The following AMPD3 variants were observed in gnomAD, a reference collection of about 807,000 sequenced individuals.
AMPD3 encodes the protein AMP deaminase 3.
AMPD3 carries 57 observed loss-of-function variants against 82.3 expected under a neutral mutation model. That is an observed-to-expected ratio of 0.69 (90% CI 0.56 to 0.86). AMPD3 has a LOEUF of 0.86. Among genes scored for constraint, AMPD3 ranks in the 40% least tolerant of loss-of-function variants. The pLI, the probability that AMPD3 is intolerant of heterozygous loss-of-function variation, is 0.00. For synonymous variants in AMPD3, 381 were observed against 394.7 expected (o/e 0.97, Z 0.41); for missense variants, 870 against 1,003.8 (o/e 0.87, Z 1.80).
At chr11:10,477,911 G>A (rs1848786819) in intron 2 of AMPD3, 2 of 985,446 alleles carry the variant, frequency 2.0e-6, no homozygotes, top group Non-Finnish European at 2.4e-6. Context: ...TATGATGCCT[G>A]TAAGCTTGGA....
At chr11:10,497,483 C>T (rs537100705) in intron 10 of AMPD3, 2 of 787,732 alleles carry the variant, frequency 2.5e-6, no homozygotes, top group Admixed American at 1.2e-4. Flanking sequence ...GAGCCGGTCC[C>T]ACCCTCCGGA....
intron 1 of AMPD3, 57 bp from the exon 2 acceptor site, chr11:10,461,458 C>A: frequency 6.2e-7 from 1 of 1,612,294 alleles, no homozygotes; most frequent in Non-Finnish European, 8.5e-7. Flanking sequence ...GCCTTCTCTT[C>A]CCCGGTGCTG....
At chr11:10,462,179 C>G (rs551975985) in intron 2 of AMPD3, among the ~76,000 whole-genome samples, 1 of 152,258 alleles carries the variant, frequency 6.6e-6, no homozygotes, top group Non-Finnish European at 1.5e-5. Flanking sequence ...AATTAAGTAA[C>G]TGGACAAATT....
intron 3 of AMPD3, chr11:10,481,790 C>T: frequency 2.0e-6 from 1 of 488,608 alleles, no homozygotes; most frequent in Non-Finnish European, 3.7e-6. Context: ...ATTCGGTGCC[C>T]AGGGTTTTCA....
At chr11:10,470,045 A>G (rs1848543460) in intron 2 of AMPD3, among the ~76,000 whole-genome samples, 1 of 151,890 alleles carries the variant, frequency 6.6e-6, no homozygotes, top group African/African-American at 2.4e-5. Flanking sequence ...GTCTCAAAAA[A>G]AAAAAAAAAA....
rs1849718760 is a variant in AMPD3, at chr11:10,506,541, G to A, written c.*657G>A. Reference sequence around the variant, plus strand: ...GTTTGGACTAGATGAGTGGCTTTCAGGGTGTTCTGTGAATCTCCTCATGAA... The same window carrying A: ...GTTTGGACTAGATGAGTGGCTTTCAAGGTGTTCTGTGAATCTCCTCATGAA... On this transcript the variant is annotated 3_prime_UTR_variant, in exon 15 of 15. Coordinates refer to ENST00000396553, the MANE Select transcript of AMPD3 (RefSeq NM_001025389.2). This position sits in a 1 kb window ranked among gnomAD's most constrained non-coding sequence, Gnocchi z 4.1. 6.4e-6 allele frequency: 1 copy of A among 155,152 alleles called. No homozygotes were observed. The highest frequency in any genetic ancestry group is 2.4e-5 in the African/African-American group (1 of 41,436). The allele number at this position is 155,152 out of a possible 1,614,324, so 9.6% of individuals were successfully genotyped here. A position where few individuals can be genotyped will look rare whatever the true frequency, so the allele number is the denominator to read the frequency against.
intron 2 of AMPD3, chr11:10,476,958 G>A: frequency 1.0e-6 from 1 of 985,438 alleles, no homozygotes; most frequent in Non-Finnish European, 1.2e-6. Context: ...GTAAATTCCT[G>A]AAAAGGAGCC....
chr11:10,503,642 A>G (rs1366456147), intron 13 of AMPD3, among the ~76,000 whole-genome samples: 2 of 152,226 alleles, frequency 1.3e-5, no homozygotes, highest in African/African-American at 4.8e-5. Context: ...TCATTTAAAA[A>G]CCACATCAAT....
intron 2 of AMPD3, among the ~76,000 whole-genome samples, chr11:10,477,509 A>G (rs1329848350): frequency 6.6e-6 from 1 of 152,192 alleles, no homozygotes; most frequent in Non-Finnish European, 1.5e-5. Context: ...TGTCTGTTTC[A>G]TGAATGAGGA....
rs368833888 is a variant in AMPD3, at chr11:10,461,780, T to G, written c.221+40T>G. On this transcript the variant is annotated intron_variant, in intron 2 of 14. Coordinates refer to ENST00000396553, the MANE Select transcript of AMPD3 (RefSeq NM_001025389.2). ...CATGGTTTTCGTGTACATAGAGTCA[T>G]GCAGACCCAGGCAGGCTGTGGGTGT... 3.7e-5 allele frequency: 58 copies of G among 1,558,230 alleles called. 2 individuals are homozygous for G. The South Asian group carries it at 6.5e-4, about 18-fold the overall frequency.
intron 1 of AMPD3, among the ~76,000 whole-genome samples, chr11:10,458,649 T>C (rs1043364737): frequency 6.6e-6 from 1 of 152,210 alleles, no homozygotes; most frequent in Non-Finnish European, 1.5e-5. Flanking sequence ...TTTATGTGAT[T>C]GCACCATCCT....
chr11:10,486,703 A>C (rs929807857), intron 5 of AMPD3: 2 of 985,420 alleles, frequency 2.0e-6, no homozygotes, highest in Non-Finnish European at 2.4e-6. Flanking sequence ...TCTGCAACCC[A>C]AGGTGGGCAG....
intron 2 of AMPD3, among the ~76,000 whole-genome samples, chr11:10,465,451 G>A (rs577955252): frequency 3.3e-4 from 50 of 152,288 alleles, no homozygotes; most frequent in African/African-American, 1.1e-3. Context: ...GAACATCTCC[G>A]GTCTGCAGCT....
intron 4 of AMPD3, chr11:10,484,608 A>G: frequency 1.4e-6 from 1 of 738,048 alleles, no homozygotes; most frequent in Non-Finnish European, 1.7e-6. Flanking sequence ...GGAGTGGAGA[A>G]GACATCATAT....
At chr11:10,475,212 G>A (rs550827595) in intron 2 of AMPD3, among the ~76,000 whole-genome samples, 5 of 152,188 alleles carry the variant, frequency 3.3e-5, no homozygotes, top group African/African-American at 4.8e-5. Context: ...CAGCGAGAGT[G>A]GGTAGGGGAA....
At chr11:10,476,926 C>CAAGA (rs1396122214) in intron 2 of AMPD3, 1 of 985,180 alleles carries the variant, frequency 1.0e-6, no homozygotes, top group Non-Finnish European at 1.2e-6. Context: ...CATCACTTAG[C>CAAGA]AGGACCAGGG....
Position 10,504,613 on chromosome 11 carries a change from G to A in AMPD3, c.2081G>A (p.Cys694Tyr), listed in dbSNP as rs1849665923. 6.2e-7 allele frequency: 1 copy of A among 1,614,078 alleles called. No individual in the cohort carries two copies. The highest frequency in any genetic ancestry group is 1.3e-5 in the African/African-American group (1 of 74,936). Reference protein sequence around the residue: ...QVWKLSTCDLCEIARNSVLQS... With the variant: ...QVWKLSTCDLYEIARNSVLQS... ...TGGAAGCTGAGCACCTGCGACCTGT[G>A]TGAGATCGCCAGGAACAGCGTGCTG... The change falls in exon 14 of 15, where the codon TGT becomes TAT. Residue 694 changes from cysteine to tyrosine, a missense_variant. Transcript: ENST00000396553.
intron 2 of AMPD3, among the ~76,000 whole-genome samples, chr11:10,470,184 C>T (rs1564842294): frequency 6.6e-6 from 1 of 152,156 alleles, no homozygotes; most frequent in Admixed American, 6.5e-5. Flanking sequence ...CAGCGTAATC[C>T]ATCGCATAAA....
chr11:10,487,586 G>A (rs546618553), intron 6 of AMPD3, among the ~76,000 whole-genome samples: 1 of 152,222 alleles, frequency 6.6e-6, no homozygotes. Flanking sequence ...ATCACTCTAG[G>A]TGGAAACATT....
Sources: gnomAD v4.1 joint callset for allele counts (sites outside exome capture counted in the v4.1 genomes callset) on GRCh38, gnomAD v4.1.1 for gene constraint, Gnocchi (gnomAD v3.1) non-coding constraint, MANE v1.5 for transcripts, NCBI Gene and HGNC (gene_info 2026-07-23, HGNC 2026-07-21) for gene names.